ERMP1: variants seen among roughly 807,000 people sequenced by gnomAD.
ERMP1 encodes the protein Felix-ina.
Under a neutral mutation model 92.0 loss-of-function variants are expected in ERMP1, and 86 were observed. That is an observed-to-expected ratio of 0.93 (90% CI 0.79 to 1.12). The LOEUF (loss-of-function observed/expected upper bound fraction) is 1.12. ERMP1 is among the 50% of genes most tolerant of loss of function. The pLI, the probability that ERMP1 is intolerant of heterozygous loss-of-function variation, is 0.00. For missense variants in ERMP1, 1,342 were observed against 1,116.3 expected, an observed-to-expected ratio of 1.20 and a Z score of -2.88; for synonymous variants, 530 against 412.8, an observed-to-expected ratio of 1.28 and a Z score of -3.44.
chr9:5,822,243 C>T (rs963624924), intron 4 of ERMP1, among the ~76,000 whole-genome samples: 31 of 152,004 alleles, frequency 2.0e-4, no homozygotes, highest in African/African-American at 6.3e-4. Flanking sequence ...CGGAGTGAGA[C>T]CCTGCTTCAA....
intron 8 of ERMP1, among the ~76,000 whole-genome samples, chr9:5,806,768 T>C (rs1423786972): frequency 3.3e-5 from 5 of 152,168 alleles, no homozygotes; most frequent in African/African-American, 1.2e-4. Context: ...TTTTAACATC[T>C]GCATGAGTAA....
chr9:5,816,594 ATCT>A (rs1406996533), intron 4 of ERMP1, among the ~76,000 whole-genome samples: 1 of 152,178 alleles, frequency 6.6e-6, no homozygotes, highest in Non-Finnish European at 1.5e-5. Flanking sequence ...ACATATACAC[ATCT>A]TATGACCCAG....
chr9:5,816,257 C>T (rs10975299), intron 4 of ERMP1, among the ~76,000 whole-genome samples: 11 of 152,228 alleles, frequency 7.2e-5, no homozygotes, highest in Non-Finnish European at 1.3e-4. Context: ...AATGGAACAA[C>T]TGGAAAAATC....
At chr9:5,834,745 GTA>G (rs1355477409), upstream of ERMP1, among the ~76,000 whole-genome samples, 2 of 145,922 alleles carry the variant, frequency 1.4e-5, no homozygotes, top group African/African-American at 5.3e-5. Flanking sequence ...GTGTGTGTGT[GTA>G]TGTCTGACAA....
Position 5,823,914 on chromosome 9 carries a change from C to A in ERMP1, c.856G>T (p.Glu286Ter). Residue 286 changes from glutamate to a stop codon, truncating the protein, a stop_gained, in exon 4 of 15, where the codon GAA (glutamate) becomes TAA (stop). Coordinates refer to ENST00000339450, the MANE Select transcript of ERMP1 (RefSeq NM_024896.3). LOFTEE classifies it high-confidence loss of function. The stretch of plus-strand genomic sequence containing the variant: ...CACATACCTGTTTGGAATACAAGTT[C>A]TTTCCCTCCTACACCTGCTGCCTCT... ...NLEAAGVGGK[E>*]LVFQTGPENP... 6.2e-7 allele frequency: 1 copy of A among 1,612,774 alleles called. No individual in the cohort carries two copies. The highest frequency in any genetic ancestry group is 8.5e-7 in the Non-Finnish European group (1 of 1,178,826).
At chr9:5,813,113 A>G in intron 4 of ERMP1, 78 bp from the exon 5 acceptor site, 1 of 1,508,380 alleles carries the variant, frequency 6.6e-7, no homozygotes, top group Non-Finnish European at 9.1e-7. Context: ...CAACACATAG[A>G]AAACAGTAAA....
intron 6 of ERMP1, among the ~76,000 whole-genome samples, chr9:5,847,609 A>G (rs745590052): frequency 5.7e-4 from 87 of 151,758 alleles, no homozygotes; most frequent in Admixed American, 9.2e-4. Flanking sequence ...AAACAAAACA[A>G]AATCGGCCAG....
chr9:5,812,697 AGAG>A (rs771770498), intron 5 of ERMP1, 189 bp downstream of exon 5: 23 of 643,776 alleles, frequency 3.6e-5, no homozygotes, highest in Non-Finnish European at 6.2e-5. Flanking sequence ...GACATATTTT[AGAG>A]GAGGCCAGCA....
intron 13 of ERMP1, chr9:5,791,261 A>G: frequency 2.2e-6 from 1 of 456,954 alleles, no homozygotes; most frequent in Non-Finnish European, 4.4e-6. Flanking sequence ...CAAGTCCAAA[A>G]TCTGAAGGAT....
At chr9:5,854,336 A>G (rs778842397) in intron 6 of ERMP1, among the ~76,000 whole-genome samples, 5 of 152,186 alleles carry the variant, frequency 3.3e-5, no homozygotes, top group Admixed American at 6.5e-5. Context: ...ACACTCTTCT[A>G]TTCAGTCTAG....
rs772257798 is a variant in ERMP1, at chr9:5,860,636, G to GC, written n.3056-1026_3056-1025insG. 3.8e-3 allele frequency among the ~76,000 whole-genome samples: 555 copies of GC among 146,368 alleles called. 1 individual carries two copies. The highest frequency in any genetic ancestry group is 6.2e-3 in the Non-Finnish European group (417 of 67,172). The stretch of plus-strand genomic sequence containing the variant: ...AATTTTTTTTTTTTTTGTAGAGATC[G>GC]GGGGGTCTCACTCTGTTGCCCAGGC... On this transcript the variant is annotated intron_variant and non_coding_transcript_variant, in intron 5 of 6. Transcript: ENST00000690753.
At chr9:5,831,087 T>C (rs1586826253) in intron 1 of ERMP1, 59 bp from the exon 2 acceptor site, 2 of 1,426,080 alleles carry the variant, frequency 1.4e-6, no homozygotes, top group East Asian at 2.3e-5. Flanking sequence ...TTAGCGTGGG[T>C]AACTTTTCCA....
At chr9:5,827,460 G>C (rs1489788983) in intron 2 of ERMP1, among the ~76,000 whole-genome samples, 2 of 152,254 alleles carry the variant, frequency 1.3e-5, no homozygotes, top group Non-Finnish European at 2.9e-5. Flanking sequence ...GGTTGGACAA[G>C]CTTAATCTAT....
intron 13 of ERMP1, among the ~76,000 whole-genome samples, chr9:5,796,740 T>C (rs760606563): frequency 6.6e-6 from 1 of 152,022 alleles, no homozygotes; most frequent in Non-Finnish European, 1.5e-5. Context: ...GAGAGATAAA[T>C]AGGTGAAGCA....
Position 5,785,610 on chromosome 9 carries a change from G to C in ERMP1, c.*1534C>G, listed in dbSNP as rs2131188930. 6.5e-6 allele frequency: 1 copy of C among 152,730 alleles called. No individual in the cohort carries two copies. The highest frequency in any genetic ancestry group is 2.1e-4 in the South Asian group (1 of 4,822). 9.5% of individuals were successfully genotyped at this position (152,730 alleles called of 1,614,324 possible). A position where few individuals can be genotyped will look rare whatever the true frequency, so the allele number is the denominator to read the frequency against. On this transcript the variant is annotated 3_prime_UTR_variant, in exon 15 of 15. Transcript: ENST00000339450. ...GTCACAGATTAGGCAGGCAACGAGG[G>C]GCATGATTTAAAAAGCACATCATAC...
intron 4 of ERMP1, among the ~76,000 whole-genome samples, chr9:5,822,606 C>T (rs1336121850): frequency 6.6e-6 from 1 of 152,180 alleles, no homozygotes; most frequent in Non-Finnish European, 1.5e-5. Context: ...CCCACATCAT[C>T]TTACTTCACC....
intron 4 of ERMP1, among the ~76,000 whole-genome samples, chr9:5,822,809 C>T (rs1829589901): frequency 6.6e-6 from 1 of 152,120 alleles, no homozygotes; most frequent in Non-Finnish European, 1.5e-5. Flanking sequence ...ACAATTAAAA[C>T]CCATTTATGC....
chr9:5,856,045 C>A, intron 6 of ERMP1: 1 of 377,506 alleles, frequency 2.6e-6, no homozygotes, highest in South Asian at 2.5e-5. Context: ...GGTTATATAC[C>A]CTGCTGCAAG....
rs865822475 is a variant in ERMP1 at position 5,832,960 on chromosome 9, G to T, written c.68C>A (p.Ala23Glu). The T allele has an allele frequency of 6.4e-7, 1 of 1,565,002 alleles. No homozygotes were observed. The highest frequency in any genetic ancestry group is 1.2e-5 in the South Asian group (1 of 86,946). Residue 23 changes from alanine to glutamate, a missense_variant, in exon 1 of 15, where the codon GCG becomes GAG. Transcript: ENST00000339450. ...CCTCTCCGGCGGTGGCGCGGCCGCC[G>T]CTCCCTCTCGACGCTCTACTCCGAC... ...HRVGVERREG[A>E]AAAPPPEREA... is the part of the protein sequence containing the mutation.
Sources: allele counts gnomAD v4.1 joint callset (sites outside exome capture counted in the v4.1 genomes callset), GRCh38; gene constraint gnomAD v4.1.1; transcripts MANE v1.5; gene names NCBI Gene and HGNC (gene_info 2026-07-23, HGNC 2026-07-21).